Variants in MYT1L observed in about 807,000 individuals in gnomAD.
The protein encoded by MYT1L is myelin transcription factor 1-like protein.
In MYT1L, 12 loss-of-function variants were observed where a neutral mutation model predicts 126.7. The ratio of observed to expected loss-of-function variants is 0.09; its 90% confidence interval spans 0.06 to 0.15. The LOEUF (loss-of-function observed/expected upper bound fraction) is 0.15, where lower values mean the gene tolerates loss of function less well. Ranked by LOEUF, MYT1L falls within the 10% of genes least tolerant of loss-of-function variation. The probability of loss-of-function intolerance (pLI) is 1.00; values close to 1 mark genes in which losing one functional copy is unlikely to be tolerated. For synonymous variants in MYT1L, 541 were observed against 604.2 expected (o/e 0.90, Z 1.53); for missense variants, 979 against 1,585.2 (o/e 0.62, Z 6.49).
chr2:2,250,533 C>T lies in MYT1L; in HGVS notation c.-421+33871G>A, dbSNP rs980163734. 5.6e-5 allele frequency among the ~76,000 whole-genome samples: 7 copies of T among 124,546 alleles called. No homozygotes were observed. In the South Asian group the frequency reaches 7.6e-4, roughly 13 times the overall value. 81.7% of individuals were successfully genotyped at this position (124,546 alleles called of 152,430 possible). On this transcript the variant is annotated intron_variant, in intron 2 of 24. Coordinates refer to ENST00000647738, the MANE Select transcript of MYT1L (RefSeq NM_001303052.2). ...GCTGGGACAGTAGTAAGGGGCCAGGCGGGGAAGTGGGGATGGTGAAAGGGT... is the reference window on the plus strand; with the variant it reads ...GCTGGGACAGTAGTAAGGGGCCAGGTGGGGAAGTGGGGATGGTGAAAGGGT...
At chr2:1,950,868 A>C (rs772410698) in intron 8 of MYT1L, among the ~76,000 whole-genome samples, 42 of 152,240 alleles carry the variant, frequency 2.8e-4, no homozygotes, top group Non-Finnish European at 4.0e-4. Flanking sequence ...AATGAGGTGG[A>C]GGAAAGGAGA....
At chr2:2,056,294 C>A (rs1463690866) in intron 3 of MYT1L, among the ~76,000 whole-genome samples, 1 of 152,142 alleles carries the variant, frequency 6.6e-6, no homozygotes, top group Non-Finnish European at 1.5e-5. Flanking sequence ...GAGGACACAC[C>A]CTCACAAACA....
intron 4 of MYT1L, among the ~76,000 whole-genome samples, chr2:2,003,417 A>G (rs2062609501): frequency 6.6e-6 from 1 of 151,972 alleles, no homozygotes; most frequent in South Asian, 2.1e-4. Context: ...GCCCACCGTC[A>G]CCCTGGCCCA....
intron 18 of MYT1L, among the ~76,000 whole-genome samples, chr2:1,863,597 C>G (rs1369479599): frequency 6.6e-6 from 1 of 151,692 alleles, no homozygotes; most frequent in East Asian, 1.9e-4. Flanking sequence ...TGTCCCACTC[C>G]AGGCCCAAAC....
chr2:1,995,602 G>A (rs749892726), intron 5 of MYT1L, among the ~76,000 whole-genome samples: 15 of 152,234 alleles, frequency 9.9e-5, no homozygotes, highest in Non-Finnish European at 1.9e-4. Context: ...AAGGAAGTGA[G>A]TGGGTGGTCT....
At chr2:2,010,233 T>C (rs1328246397) in intron 4 of MYT1L, among the ~76,000 whole-genome samples, 2 of 152,170 alleles carry the variant, frequency 1.3e-5, no homozygotes, top group African/African-American at 4.8e-5. Context: ...AGGTGAGACG[T>C]ACAGGCAGCA....
At position 1,924,206 on chromosome 2, in the gene MYT1L, T is replaced by TA. The variant is rs766614785; in HGVS notation, c.506-944dup. On this transcript the variant is annotated intron_variant, in intron 9 of 24. Transcript: ENST00000647738. ...TAAAAAGACCATGTTAAAAATTACATAAAACCCCTATGTTTTATCTCAAAC... is the reference window on the plus strand; with the variant it reads ...TAAAAAGACCATGTTAAAAATTACATAAAAACCCCTATGTTTTATCTCAAAC... Among the ~76,000 whole-genome samples, 10 of 152,190 alleles carry TA rather than the reference T, an allele frequency of 6.6e-5. No individual in the cohort carries two copies. The East Asian group carries it at 1.9e-3, about 29-fold the overall frequency.
Position 1,939,887 on chromosome 2 carries a change from C to A in MYT1L, c.505+3095G>T, listed in dbSNP as rs539974517. ...GGAGACGTCCTTCTCCCAGAGAAAG[C>A]CTTCGTGAGCGTGTCTCCAGGAGTC... On this transcript the variant is annotated intron_variant, in intron 9 of 24. Coordinates refer to ENST00000647738, the MANE Select transcript of MYT1L (RefSeq NM_001303052.2). 1.1e-4 allele frequency among the ~76,000 whole-genome samples: 17 copies of A among 152,352 alleles called. No homozygotes were observed. The East Asian group carries it at 2.5e-3, about 22-fold the overall frequency.
chr2:1,874,493 C>T (rs1001703251), intron 18 of MYT1L, among the ~76,000 whole-genome samples: 6 of 152,136 alleles, frequency 3.9e-5, no homozygotes, highest in African/African-American at 1.2e-4. Flanking sequence ...TGGGGAGGGC[C>T]GTGGACGGGC....
At chr2:2,287,301 C>T (rs1022889971) in intron 1 of MYT1L, among the ~76,000 whole-genome samples, 12 of 152,050 alleles carry the variant, frequency 7.9e-5, no homozygotes, top group Non-Finnish European at 1.3e-4. Context: ...AGATAATCCT[C>T]AAGGAGCTTA....
At chr2:1,947,939 G>A (rs964005836) in intron 8 of MYT1L, among the ~76,000 whole-genome samples, 3 of 152,320 alleles carry the variant, frequency 2.0e-5, no homozygotes, top group South Asian at 2.1e-4. Context: ...CACACCACAC[G>A]ACCAAGGGCG....
intron 1 of MYT1L, among the ~76,000 whole-genome samples, chr2:2,297,826 T>G (rs941708719): frequency 2.0e-5 from 3 of 152,178 alleles, no homozygotes; most frequent in Non-Finnish European, 2.9e-5. Flanking sequence ...GAGCCCCAAA[T>G]TTTGGTAAAG....
chr2:2,211,088 T>C (rs1559348962), intron 2 of MYT1L, among the ~76,000 whole-genome samples: 2 of 152,216 alleles, frequency 1.3e-5, no homozygotes, highest in Non-Finnish European at 2.9e-5. Flanking sequence ...ATCCCACAAT[T>C]TTACTGAATT....
At chr2:2,109,904 T>TC (rs2079204947) in intron 3 of MYT1L, among the ~76,000 whole-genome samples, 1 of 123,588 alleles carries the variant, frequency 8.1e-6, no homozygotes, top group South Asian at 2.8e-4. Context: ...TATATATATA[T>TC]ATATATATAT....
At position 2,118,662 on chromosome 2, in the gene MYT1L, C is replaced by T. The variant is rs183059640; in HGVS notation, c.-304+54210G>A. 2.6e-5 allele frequency among the ~76,000 whole-genome samples: 4 copies of T among 152,266 alleles called. No homozygotes were observed. In the East Asian group the frequency reaches 7.7e-4, roughly 29 times the overall value. ...TCTGTTAAGGATAGTGCCTTGGATACTACCAATCAATATTAAATAATTCCA... is the reference window on the plus strand; with the variant it reads ...TCTGTTAAGGATAGTGCCTTGGATATTACCAATCAATATTAAATAATTCCA... On this transcript the variant is annotated intron_variant, in intron 3 of 24. Coordinates refer to ENST00000647738, the MANE Select transcript of MYT1L (RefSeq NM_001303052.2).
chr2:2,137,929 C>G (rs1378814736), intron 3 of MYT1L, among the ~76,000 whole-genome samples: 1 of 152,022 alleles, frequency 6.6e-6, no homozygotes, highest in African/African-American at 2.4e-5. Flanking sequence ...AAAATTTTTG[C>G]AACCTACTCA....
rs763459062 is a variant in MYT1L, at chr2:1,851,595, C to T, written c.2774+46G>A. ...GACGTGAGTGATATTCCTGCCATTT[C>T]AGTGAGAAAGAGCATTTTGGAGAGA... On this transcript the variant is annotated intron_variant, in intron 19 of 24. Transcript: ENST00000647738. The T allele has an allele frequency of 1.1e-5, 17 of 1,570,702 alleles. No homozygotes were observed. The South Asian group carries it at 1.6e-4, about 14-fold the overall frequency.
At chr2:2,292,082 T>G (rs1314838894) in intron 1 of MYT1L, among the ~76,000 whole-genome samples, 3 of 152,086 alleles carry the variant, frequency 2.0e-5, no homozygotes, top group African/African-American at 7.2e-5. Context: ...CTTCCCTCTG[T>G]TGGTGTGGAG....
rs2149041733 is a variant in MYT1L, at chr2:2,228,659, A to G, written c.-420-55671T>C. Among the ~76,000 whole-genome samples the G allele has an allele frequency of 6.6e-6, 1 of 152,320 alleles. No individual in the cohort carries two copies. Among genetic ancestry groups the G allele is most frequent in the Non-Finnish European group, 1.5e-5 (1 of 68,030 alleles). ...AAACCCACTTTGTCTATAAAACATT[A>G]AAATAGAACCATTTATATAACTTAG... On this transcript the variant is annotated intron_variant, in intron 2 of 24. Coordinates refer to ENST00000647738, the MANE Select transcript of MYT1L (RefSeq NM_001303052.2). This position sits in a 1 kb window ranked among gnomAD's most constrained non-coding sequence, Gnocchi z 5.9.
Sources: gnomAD v4.1 joint callset for allele counts (sites outside exome capture counted in the v4.1 genomes callset) on GRCh38, gnomAD v4.1.1 for gene constraint, Gnocchi (gnomAD v3.1) non-coding constraint, MANE v1.5 for transcripts, NCBI Gene and HGNC (gene_info 2026-07-23, HGNC 2026-07-21) for gene names.